The following DPYSL2 variants were observed in gnomAD, a reference collection of about 807,000 sequenced individuals.
DPYSL2 encodes the protein dihydropyrimidinase like 2.
Under a neutral mutation model 69.9 loss-of-function variants are expected in DPYSL2, and 13 were observed. The observed-to-expected ratio is 0.19, with a 90% CI of 0.12 to 0.30. The LOEUF (loss-of-function observed/expected upper bound fraction) is 0.30. Among genes scored for constraint, DPYSL2 ranks in the 10% least tolerant of loss-of-function variants. The pLI is 1.00. For synonymous variants in DPYSL2, 326 were observed against 359.1 expected (o/e 0.91, Z 1.04); for missense variants, 587 against 918.9 (o/e 0.64, Z 4.67).
chr8:26,632,735 A>G (rs753508), intron 7 of DPYSL2, among the ~76,000 whole-genome samples: 20,242 of 152,178 alleles, frequency 0.13, 1,598 homozygotes, highest in Non-Finnish European at 0.18. Context: ...AGTGGAGTCC[A>G]TCTCACACTT....
rs200701929 is a variant in DPYSL2 at position 26,647,619 on chromosome 8, G to C, written c.1426-11G>C. 1.1e-5 allele frequency: 17 copies of C among 1,608,800 alleles called. No individual in the cohort carries two copies. In the African/African-American group the frequency reaches 1.2e-4, roughly 11 times the overall value. On this transcript the variant is annotated splice_polypyrimidine_tract_variant and intron_variant, in intron 10 of 13. Coordinates refer to ENST00000521913, the MANE Select transcript of DPYSL2 (RefSeq NM_001197293.3). The surrounding 1 kb of genome is among the most constrained non-coding windows in gnomAD (Gnocchi z 5.1). ...TGTGCCTCCTGTGCACACCTATGCT[G>C]TCTCCCTCAGGTCACTGGGAAGATG...
chr8:26,581,866 C>A, intron 1 of DPYSL2, 103 bp from the exon 2 acceptor site: 1 of 907,200 alleles, frequency 1.1e-6, no homozygotes, highest in Admixed American at 2.1e-5. Context: ...TTATTTTGAA[C>A]ATCACTTTTG....
chr8:26,645,627 G>A (rs936318198), intron 10 of DPYSL2, among the ~76,000 whole-genome samples: 1 of 152,162 alleles, frequency 6.6e-6, no homozygotes, highest in Non-Finnish European at 1.5e-5. Flanking sequence ...TCAGCTCACT[G>A]CAACCTCCGT....
chr8:26,586,815 A>G lies in DPYSL2; in HGVS notation c.628+2832A>G, dbSNP rs982289330. 1.3e-5 allele frequency among the ~76,000 whole-genome samples: 2 copies of G among 152,198 alleles called. No individual in the cohort carries two copies. Among genetic ancestry groups the G allele is most frequent in the Non-Finnish European group, 2.9e-5 (2 of 68,038 alleles). ...GCTCTGCTTCCTTGGCCAGAATGCTATGGCATTTGCACGGAGGCTGTGTGA... is the reference window on the plus strand; with the variant it reads ...GCTCTGCTTCCTTGGCCAGAATGCTGTGGCATTTGCACGGAGGCTGTGTGA... On this transcript the variant is annotated intron_variant, in intron 3 of 13. Coordinates refer to ENST00000521913, the MANE Select transcript of DPYSL2 (RefSeq NM_001197293.3). The surrounding 1 kb of genome is among the most constrained non-coding windows in gnomAD (Gnocchi z 4.7).
In DPYSL2 at chr8:26,598,482, A is replaced by T. The variant is rs1801916638; in HGVS notation, c.628+14499A>T. ...GTATTTTCCATGTTAAAAAAGGAAG[A>T]TCCATGTTGCTGTACTTAATGCTTC... On this transcript the variant is annotated intron_variant, in intron 3 of 13. Coordinates refer to ENST00000521913, the MANE Select transcript of DPYSL2 (RefSeq NM_001197293.3). This position sits in a 1 kb window ranked among gnomAD's most constrained non-coding sequence, Gnocchi z 4.2. Among the ~76,000 whole-genome samples, 1 of 152,182 alleles carries T rather than the reference A, an allele frequency of 6.6e-6. No homozygotes were observed. Among genetic ancestry groups the T allele is most frequent in the Non-Finnish European group, 1.5e-5 (1 of 68,036 alleles).
At chr8:26,573,245 C>G (rs1388049057) in intron 1 of DPYSL2, among the ~76,000 whole-genome samples, 7 of 152,230 alleles carry the variant, frequency 4.6e-5, no homozygotes, top group Non-Finnish European at 8.8e-5. Flanking sequence ...ATATTCCTGA[C>G]TGGGTGTGGT....
rs76431903 is a variant in DPYSL2, at chr8:26,597,277, C to T, written c.628+13294C>T. On this transcript the variant is annotated intron_variant, in intron 3 of 13. Coordinates refer to ENST00000521913, the MANE Select transcript of DPYSL2 (RefSeq NM_001197293.3). This position sits in a 1 kb window ranked among gnomAD's most constrained non-coding sequence, Gnocchi z 5.2. ...GAACTTAATCCTTCTTCTGGGAGGC[C>T]CGGGAGCCTTCTTCCATGCGGGGCC... Among the ~76,000 whole-genome samples the T allele has an allele frequency of 0.015, 2,335 of 152,270 alleles. 28 individuals carry two copies. The highest frequency in any genetic ancestry group is 0.068 in the Middle Eastern group (20 of 294).
intron 1 of DPYSL2, among the ~76,000 whole-genome samples, chr8:26,568,061 C>T (rs1046006956): frequency 1.3e-5 from 2 of 152,148 alleles, no homozygotes; most frequent in Admixed American, 6.5e-5. Flanking sequence ...AGTTTAAAGC[C>T]CACAAATGAG....
chr8:26,577,018 C>G (rs1021928748), intron 1 of DPYSL2: 1 of 326,806 alleles, frequency 3.1e-6, no homozygotes, highest in East Asian at 1.6e-4. Context: ...GCTGCGGCTG[C>G]TCCCCATTCC....
At chr8:26,595,371 A>G (rs1801836049) in intron 3 of DPYSL2, among the ~76,000 whole-genome samples, 2 of 152,016 alleles carry the variant, frequency 1.3e-5, no homozygotes, top group South Asian at 2.1e-4. Flanking sequence ...TTGACAACAC[A>G]TCTGGCCCTG....
chr8:26,576,282 G>A (rs1257386158), intron 1 of DPYSL2, among the ~76,000 whole-genome samples: 3 of 152,202 alleles, frequency 2.0e-5, no homozygotes, highest in African/African-American at 7.2e-5. Context: ...AAGATTGGAA[G>A]TCAGGCCCAC....
intron 1 of DPYSL2, among the ~76,000 whole-genome samples, chr8:26,543,806 A>G (rs1428529545): frequency 6.6e-6 from 1 of 152,008 alleles, no homozygotes; most frequent in African/African-American, 2.4e-5. Flanking sequence ...ACTTTTTATC[A>G]TACATTGTTT....
At chr8:26,554,566 G>A (rs904693559) in intron 1 of DPYSL2, among the ~76,000 whole-genome samples, 1 of 152,002 alleles carries the variant, frequency 6.6e-6, no homozygotes, top group Admixed American at 6.6e-5. Context: ...TTTGCTTTTG[G>A]CATCTTCGTC....
At position 26,647,480 on chromosome 8, in the gene DPYSL2, G is replaced by T; in HGVS notation, c.1426-150G>T. ...ATAGAAATGGAGTCATACAGTGTGT[G>T]ACCTTTGAGACGGTTTGTGTTTCAC... On this transcript the variant is annotated intron_variant, in intron 10 of 13. Transcript: ENST00000521913. The surrounding 1 kb of genome is among the most constrained non-coding windows in gnomAD (Gnocchi z 5.1). 1 of 796,736 alleles carries T rather than the reference G, an allele frequency of 1.3e-6. No homozygotes were observed. The highest frequency in any genetic ancestry group is 1.7e-5 in the South Asian group (1 of 59,126). 49.4% of individuals were successfully genotyped at this position (796,736 alleles called of 1,614,324 possible).
rs971462758 is a variant in DPYSL2, at chr8:26,634,641, T to C, written c.1006-139T>C. On this transcript the variant is annotated intron_variant, in intron 7 of 13. Transcript: ENST00000521913. ...AGAGACACAAGGCAAGTCATACTCCTTTGAATTGTCCCCTGGGGTAGGACC... is the reference window on the plus strand; with the variant it reads ...AGAGACACAAGGCAAGTCATACTCCCTTGAATTGTCCCCTGGGGTAGGACC... The C allele has an allele frequency of 4.8e-6, 7 of 1,445,646 alleles. No homozygotes were observed. In the African/African-American group the frequency reaches 7.0e-5, roughly 14 times the overall value. The allele number at this position is 1,445,646 out of a possible 1,614,324, so 89.6% of individuals were successfully genotyped here.
chr8:26,633,498 C>T (rs12541952), intron 7 of DPYSL2, among the ~76,000 whole-genome samples: 96,448 of 151,616 alleles, frequency 0.64, 32,751 homozygotes, highest in Non-Finnish European at 0.76. Flanking sequence ...GATGAAGTCT[C>T]TCGCTGTCAC....
intron 1 of DPYSL2, among the ~76,000 whole-genome samples, chr8:26,559,465 T>C (rs1801040329): frequency 6.6e-6 from 1 of 152,348 alleles, no homozygotes; most frequent in South Asian, 2.1e-4. Context: ...TAGTACAGTA[T>C]TTTCAATCTT....
Position 26,643,841 on chromosome 8 carries a change from A to T in DPYSL2, c.1284-109A>T. The T allele has an allele frequency of 7.1e-7, 1 of 1,417,268 alleles. No individual in the cohort carries two copies. The highest frequency in any genetic ancestry group is 9.5e-7 in the Non-Finnish European group (1 of 1,054,074). The allele number at this position is 1,417,268 out of a possible 1,614,324, so 87.8% of individuals were successfully genotyped here. A position where few individuals can be genotyped will look rare whatever the true frequency, so the allele number is the denominator to read the frequency against. On this transcript the variant is annotated intron_variant, in intron 9 of 13. Transcript: ENST00000521913. The surrounding 1 kb of genome is among the most constrained non-coding windows in gnomAD (Gnocchi z 6.5). Reference sequence around the variant, plus strand: ...AGAAGGGAGAGGAGGCGTCAAAAGGACTCCACTTGGGTTGGTGTGATGCCA... The same window carrying T: ...AGAAGGGAGAGGAGGCGTCAAAAGGTCTCCACTTGGGTTGGTGTGATGCCA...
At chr8:26,548,939 A>C (rs1018140596) in intron 1 of DPYSL2, among the ~76,000 whole-genome samples, 2 of 152,150 alleles carry the variant, frequency 1.3e-5, no homozygotes, top group Non-Finnish European at 2.9e-5. Context: ...CTATAATCCC[A>C]GCACTTTGGG....
Sources: allele counts gnomAD v4.1 joint callset (sites outside exome capture counted in the v4.1 genomes callset), GRCh38; gene constraint gnomAD v4.1.1; non-coding constraint Gnocchi (gnomAD v3.1); transcripts MANE v1.5; gene names NCBI Gene and HGNC (gene_info 2026-07-23, HGNC 2026-07-21).